Variants in ABHD18 observed in about 807,000 individuals in gnomAD.
ABHD18 encodes cardiolipin-specific deacylase, mitochondrial.
Under a neutral mutation model 65.9 loss-of-function variants are expected in ABHD18, and 55 were observed. The observed-to-expected ratio is 0.84, with a 90% CI of 0.67 to 1.05. The LOEUF (loss-of-function observed/expected upper bound fraction) is 1.05, where lower values mean the gene tolerates loss of function less well. ABHD18 is among the 50% of genes least tolerant of loss of function. The probability of loss-of-function intolerance (pLI) is 0.00; values close to 1 mark genes in which losing one functional copy is unlikely to be tolerated. For synonymous variants in ABHD18, 181 were observed against 180.2 expected, an observed-to-expected ratio of 1.00 and a Z score of -0.04; for missense variants, 533 against 558.5, an observed-to-expected ratio of 0.95 and a Z score of 0.46.
At chr4:128,011,515 A>C (rs1754573614) in intron 6 of ABHD18, among the ~76,000 whole-genome samples, 158 bp from the exon 7 acceptor site, 1 of 151,238 alleles carries the variant, frequency 6.6e-6, no homozygotes, top group Admixed American at 6.6e-5. Flanking sequence ...GAAAATAATT[A>C]AGTTGAAAAC....
intron 4 of ABHD18, among the ~76,000 whole-genome samples, chr4:128,005,901 C>A (rs1028324869): frequency 6.6e-6 from 1 of 152,198 alleles, no homozygotes; most frequent in Non-Finnish European, 1.5e-5. Context: ...GCAGTCTGGC[C>A]TCCTCATTTC....
At chr4:128,023,580 T>C (rs1166576334) in intron 10 of ABHD18, among the ~76,000 whole-genome samples, 1 of 149,550 alleles carries the variant, frequency 6.7e-6, no homozygotes, top group Non-Finnish European at 1.5e-5. Context: ...CAAGACCATT[T>C]CTCTTAAAAA....
intron 12 of ABHD18, among the ~76,000 whole-genome samples, chr4:128,034,727 C>T (rs1309173769): frequency 2.6e-5 from 4 of 151,806 alleles, no homozygotes; most frequent in Admixed American, 6.6e-5. Flanking sequence ...TCTCAGCTCA[C>T]ACAACCTCTG....
chr4:128,013,354 G>A (rs556236100), intron 7 of ABHD18, among the ~76,000 whole-genome samples: 64 of 152,256 alleles, frequency 4.2e-4, no homozygotes, highest in South Asian at 1.9e-3. Context: ...TCAAGATATA[G>A]TTAAGTTTAA....
At chr4:127,986,563 C>G (rs781082509) in intron 3 of ABHD18, among the ~76,000 whole-genome samples, 1 of 152,096 alleles carries the variant, frequency 6.6e-6, no homozygotes, top group Non-Finnish European at 1.5e-5. Context: ...GTTTTTAGTT[C>G]TCTTGTGTAT....
In ABHD18 at chr4:128,009,159, G is replaced by A. The variant is rs766702105; in HGVS notation, c.410G>A (p.Arg137Gln). 1.3e-5 allele frequency: 20 copies of A among 1,520,192 alleles called. No individual in the cohort carries two copies. Among genetic ancestry groups the A allele is most frequent in the South Asian group, 5.6e-5 (4 of 72,056 alleles). 94.2% of individuals were successfully genotyped at this position (1,520,192 alleles called of 1,614,324 possible). ...LMARPMIKEA[R>Q]MASLLLENPY... ...GCCCGTCCTATGATTAAAGAAGCCC[G>A]AATGGCTTCTTTATTGTTAGAAAAC... Residue 137 changes from arginine to glutamine, a missense_variant, in exon 6 of 13, where the codon CGA becomes CAA. Arg to Gln is a conservative substitution (Grantham distance 43). Around this residue, in one of 3 missense-constraint regions of ABHD18, gnomAD observed 309 missense variants for 313.5 expected, o/e 0.99. Coordinates refer to ENST00000645843, the MANE Select transcript of ABHD18 (RefSeq NM_001358451.3).
intron 4 of ABHD18, among the ~76,000 whole-genome samples, chr4:127,998,240 G>A (rs1752064584): frequency 6.8e-6 from 1 of 146,558 alleles, no homozygotes; most frequent in African/African-American, 2.5e-5. Context: ...CTTTGACATG[G>A]TCTCATTTGT....
intron 1 of ABHD18, among the ~76,000 whole-genome samples, chr4:127,981,783 T>C (rs1162129950): frequency 6.6e-6 from 1 of 152,174 alleles, no homozygotes; most frequent in Non-Finnish European, 1.5e-5. Context: ...CAAAGAGCCA[T>C]TGAAGAGCAC....
intron 4 of ABHD18, among the ~76,000 whole-genome samples, chr4:128,008,575 A>G (rs1423076341): frequency 1.3e-5 from 2 of 152,002 alleles, no homozygotes; most frequent in Non-Finnish European, 2.9e-5. Context: ...GCGCCTGGCC[A>G]ATAGTTACTT....
chr4:127,965,428 CG>C lies in ABHD18; in HGVS notation c.-193del. Reference sequence around the variant, plus strand: ...TCCAAACTGCCGCGCCGCCCTGCTCCGGGTTTGTCTTCCTCCCTCCGTTTCT... The same window carrying C: ...TCCAAACTGCCGCGCCGCCCTGCTCCGGTTTGTCTTCCTCCCTCCGTTTCT... On this transcript the variant is annotated 5_prime_UTR_variant, in exon 1 of 13. Transcript: ENST00000645843. 9.1e-6 allele frequency: 5 copies of C among 550,758 alleles called. No homozygotes were observed. The East Asian group carries it at 1.6e-4, about 17-fold the overall frequency. 34.1% of individuals were successfully genotyped at this position (550,758 alleles called of 1,614,324 possible). A position where few individuals can be genotyped will look rare whatever the true frequency, so the allele number is the denominator to read the frequency against.
intron 3 of ABHD18, among the ~76,000 whole-genome samples, chr4:127,987,660 C>T (rs1750201461): frequency 6.7e-6 from 1 of 150,152 alleles, no homozygotes; most frequent in Non-Finnish European, 1.5e-5. Flanking sequence ...TGCAGTGAGT[C>T]GAGATAGCAC....
Position 128,030,584 on chromosome 4 carries a change from A to G in ABHD18, c.1255A>G (p.Ser419Gly). 6.2e-7 allele frequency: 1 copy of G among 1,608,756 alleles called. No individual in the cohort carries two copies. The highest frequency in any genetic ancestry group is 2.2e-5 in the East Asian group (1 of 44,674). ...CTATATTCCACGAACAGGAGTTCGA[A>G]GTTTACAAGAAATTTGGCCTGGTTG... ...DAYIPRTGVR[S>G]LQEIWPGCEI... is the part of the protein sequence containing the mutation. The change falls in exon 12 of 13, where the codon AGT (serine) becomes GGT (glycine). Residue 419 changes from serine (S) to glycine (G), a missense_variant. By Grantham distance (56) the Ser-to-Gly change is moderately conservative. Around this residue, in one of 3 missense-constraint regions of ABHD18, gnomAD observed 220 missense variants for 226.8 expected, o/e 0.97. Coordinates refer to ENST00000645843, the MANE Select transcript of ABHD18 (RefSeq NM_001358451.3).
chr4:128,018,582 T>C (rs1270998694), intron 8 of ABHD18, among the ~76,000 whole-genome samples: 1 of 152,074 alleles, frequency 6.6e-6, no homozygotes, highest in Non-Finnish European at 1.5e-5. Flanking sequence ...GAGACTGCAG[T>C]GAGCTGTGAT....
intron 7 of ABHD18, among the ~76,000 whole-genome samples, chr4:128,012,878 C>A (rs949120721): frequency 6.6e-5 from 10 of 151,540 alleles, no homozygotes; most frequent in Non-Finnish European, 1.3e-4. Flanking sequence ...CCAGCCTGAC[C>A]AACATGGTAA....
chr4:128,030,285 C>G (rs1758013947), intron 11 of ABHD18, among the ~76,000 whole-genome samples: 1 of 152,204 alleles, frequency 6.6e-6, no homozygotes, highest in East Asian at 1.9e-4. Context: ...TGTGTACCCA[C>G]ACCCACACAA....
intron 12 of ABHD18, among the ~76,000 whole-genome samples, chr4:128,031,864 G>A (rs975833009): frequency 6.6e-6 from 1 of 152,142 alleles, no homozygotes; most frequent in African/African-American, 2.4e-5. Context: ...ATTGGTGAGT[G>A]AGCAGACTAT....
At chr4:127,983,136 A>C in intron 2 of ABHD18, 89 bp downstream of exon 2, 1 of 791,312 alleles carries the variant, frequency 1.3e-6, no homozygotes, top group East Asian at 2.8e-5. Context: ...TTACTCTCAA[A>C]TACAGAGCAA....
intron 10 of ABHD18, among the ~76,000 whole-genome samples, chr4:128,023,401 T>C (rs1280341667): frequency 1.7e-4 from 8 of 46,214 alleles, no homozygotes; most frequent in Admixed American, 1.1e-3. Flanking sequence ...CTCTTGTCTC[T>C]ACAAAAAAAA....
intron 7 of ABHD18, among the ~76,000 whole-genome samples, chr4:128,015,076 TA>T (rs35551300): frequency 0.029 from 3,505 of 122,902 alleles, 85 homozygotes; most frequent in African/African-American, 0.08. Flanking sequence ...AAACTCCATC[TA>T]AAAAAAAAAA....
Sources: gnomAD v4.1 joint callset for allele counts (sites outside exome capture counted in the v4.1 genomes callset) on GRCh38, gnomAD v4.1.1 for gene constraint, gnomAD v4.1.1 regional missense constraint, MANE v1.5 for transcripts, NCBI Gene and HGNC (gene_info 2026-07-23, HGNC 2026-07-21) for gene names.